The following NUP133 variants were observed in gnomAD, a reference collection of about 807,000 sequenced individuals.
NUP133 encodes the protein nuclear pore complex protein Nup133.
NUP133 carries 66 observed loss-of-function variants against 146.2 expected under a neutral mutation model. The observed-to-expected ratio is 0.45, with a 90% CI of 0.37 to 0.55. The LOEUF (loss-of-function observed/expected upper bound fraction) is 0.55. Among genes scored for constraint, NUP133 ranks in the 20% least tolerant of loss-of-function variants. The pLI is 0.00. For synonymous variants in NUP133, 521 were observed against 498.8 expected (o/e 1.04, Z -0.59); for missense variants, 1,277 against 1,374.8 (o/e 0.93, Z 1.12).
rs1558112966 is a variant in NUP133, at chr1:229,508,286, T to C, written c.-37A>G. 3.6e-6 allele frequency: 5 copies of C among 1,393,726 alleles called. No homozygotes were observed. In the East Asian group the frequency reaches 1.5e-4, roughly 41 times the overall value. 86.3% of individuals were successfully genotyped at this position (1,393,726 alleles called of 1,614,324 possible). A position where few individuals can be genotyped will look rare whatever the true frequency, so the allele number is the denominator to read the frequency against. On this transcript the variant is annotated 5_prime_UTR_variant, in exon 1 of 26. Transcript: ENST00000261396. ...GCAGCGACTAGGACAGCGAGGGATCTGGCCGTCAGGTTGCAGCCTGGCCTG... is the reference window on the plus strand; with the variant it reads ...GCAGCGACTAGGACAGCGAGGGATCCGGCCGTCAGGTTGCAGCCTGGCCTG...
chr1:229,505,564 T>TAAAAA (rs56383157), intron 2 of NUP133, among the ~76,000 whole-genome samples: 23 of 63,236 alleles, frequency 3.6e-4, no homozygotes, highest in African/African-American at 7.7e-4. Context: ...CAATTACAGT[T>TAAAAA]AAAAAAAAAA....
At chr1:229,466,298 G>A (rs1660826201) in intron 16 of NUP133, among the ~76,000 whole-genome samples, 2 of 151,892 alleles carry the variant, frequency 1.3e-5, no homozygotes, top group African/African-American at 4.8e-5. Context: ...TGGTGCCACT[G>A]CACTCCAGCT....
chr1:229,474,809 A>T (rs1363391159), intron 14 of NUP133, among the ~76,000 whole-genome samples: 1 of 152,150 alleles, frequency 6.6e-6, no homozygotes, highest in African/African-American at 2.4e-5. Context: ...TTTGAAAAAC[A>T]ATCAGGGAAG....
chr1:229,485,918 C>T (rs530656912), intron 11 of NUP133, among the ~76,000 whole-genome samples: 1 of 152,150 alleles, frequency 6.6e-6, no homozygotes, highest in African/African-American at 2.4e-5. Flanking sequence ...AATCCCAGCA[C>T]TTTGGGAGGC....
intron 15 of NUP133, among the ~76,000 whole-genome samples, chr1:229,467,467 T>C (rs1378822834): frequency 6.6e-6 from 1 of 152,176 alleles, no homozygotes; most frequent in Admixed American, 6.6e-5. Context: ...TAGGCACAGA[T>C]AAAACATGAC....
chr1:229,487,439 TC>T, intron 10 of NUP133, 26 bp downstream of exon 10: 1 of 1,601,988 alleles, frequency 6.2e-7, no homozygotes, highest in Non-Finnish European at 8.5e-7. Flanking sequence ...AGCTCACCAA[TC>T]ATGCTTTCTA....
chr1:229,440,366 T>A lies in NUP133; in HGVS notation c.*1538A>T, dbSNP rs1480298850. On this transcript the variant is annotated 3_prime_UTR_variant, in exon 26 of 26. Transcript: ENST00000261396. ...AAACAGGATTAAAAGAGGGAGCTTTTTCTTCCCTTGAACAGGATGACTCTA... is the reference window on the plus strand; with the variant it reads ...AAACAGGATTAAAAGAGGGAGCTTTATCTTCCCTTGAACAGGATGACTCTA... 6.6e-6 allele frequency: 1 copy of A among 152,174 alleles called. No homozygotes were observed. The highest frequency in any genetic ancestry group is 1.5e-5 in the Non-Finnish European group (1 of 68,046). The allele number at this position is 152,174 out of a possible 1,614,324, so 9.4% of individuals were successfully genotyped here.
chr1:229,495,372 TAG>T, intron 8 of NUP133, 121 bp downstream of exon 8: 1 of 683,400 alleles, frequency 1.5e-6, no homozygotes, highest in Non-Finnish European at 2.5e-6. Flanking sequence ...GCCCGGGTGA[TAG>T]AGTGAGACCC....
chr1:229,450,020 G>A (rs922507572), intron 23 of NUP133, among the ~76,000 whole-genome samples: 21 of 150,170 alleles, frequency 1.4e-4, no homozygotes, highest in Non-Finnish European at 2.5e-4. Context: ...TGGGATTACA[G>A]GCGTGCGCCA....
At chr1:229,494,863 G>C (rs1049379588) in intron 8 of NUP133, among the ~76,000 whole-genome samples, 2 of 152,180 alleles carry the variant, frequency 1.3e-5, no homozygotes, top group African/African-American at 4.8e-5. Context: ...CACAGCATGG[G>C]GCAGCCACAG....
At position 229,466,776 on chromosome 1, in the gene NUP133, T is replaced by C. The variant is rs770556405; in HGVS notation, c.2077-20A>G. The C allele has an allele frequency of 1.2e-6, 2 of 1,612,912 alleles. No homozygotes were observed. Among genetic ancestry groups the C allele is most frequent in the Non-Finnish European group, 1.7e-6 (2 of 1,179,416 alleles). The stretch of plus-strand genomic sequence containing the variant: ...GGATACCTGAGAGAATACACAGAAG[T>C]AAACTACTTACAACAAAAATTATGG... On this transcript the variant is annotated intron_variant, in intron 15 of 25. Transcript: ENST00000261396.
In NUP133 at chr1:229,498,233, T is replaced by A. The variant is rs1291106030; in HGVS notation, c.722A>T (p.His241Leu). Residue 241 changes from histidine to leucine, a missense_variant, in exon 6 of 26, where the codon CAT becomes CTT. This residue lies in a region of NUP133 where 319 missense variants were observed against 306.9 expected (regional missense o/e 1.04). Coordinates refer to ENST00000261396, the MANE Select transcript of NUP133 (RefSeq NM_018230.3). ...TTGCCCCTGAGGCAGGATATGCTGATGAATCTTTCCTGAGCTCTCAGGTAT... is the reference window on the plus strand; with the variant it reads ...TTGCCCCTGAGGCAGGATATGCTGAAGAATCTTTCCTGAGCTCTCAGGTAT... ...RLIPESSGKI[H>L]QHILPQGQGM... is the part of the protein sequence containing the mutation. The A allele has an allele frequency of 6.2e-7, 1 of 1,612,896 alleles. No individual in the cohort carries two copies. The highest frequency in any genetic ancestry group is 1.1e-5 in the South Asian group (1 of 90,718).
At chr1:229,477,867 G>A (rs746477546) in intron 12 of NUP133, 107 bp from the exon 13 acceptor site, 7 of 796,718 alleles carry the variant, frequency 8.8e-6, no homozygotes, top group Middle Eastern at 3.7e-4. Flanking sequence ...AAAAGAATGC[G>A]ATCCTGTCAT....
At chr1:229,450,732 TTTG>T in intron 22 of NUP133, 127 bp from the exon 23 acceptor site, 2 of 489,954 alleles carry the variant, frequency 4.1e-6, no homozygotes, top group Non-Finnish European at 3.6e-6. Context: ...TGTTTGTTTG[TTTG>T]TTTTTTTTGA....
chr1:229,465,009 T>C (rs774519260), intron 17 of NUP133, 134 bp from the exon 18 acceptor site: 24 of 1,020,636 alleles, frequency 2.4e-5, no homozygotes, highest in East Asian at 4.9e-5. Flanking sequence ...AGGTGATACC[T>C]GTCAATGCCC....
At chr1:229,492,561 G>C (rs963873874) in intron 8 of NUP133, among the ~76,000 whole-genome samples, 1 of 151,854 alleles carries the variant, frequency 6.6e-6, no homozygotes, top group Non-Finnish European at 1.5e-5. Flanking sequence ...CCTTCTTCAC[G>C]GTTCTCTTCC....
Position 229,441,816 on chromosome 1 carries a change from G to A in NUP133, c.*88C>T. On this transcript the variant is annotated 3_prime_UTR_variant, in exon 26 of 26. Coordinates refer to ENST00000261396, the MANE Select transcript of NUP133 (RefSeq NM_018230.3). ...ACTCAGCTATACATGTTATGAAATT[G>A]TACAAACTTACACTTGTTTATGGCC... The A allele has an allele frequency of 1.8e-6, 2 of 1,086,916 alleles. No individual in the cohort carries two copies. 67.3% of individuals were successfully genotyped at this position (1,086,916 alleles called of 1,614,324 possible). A position where few individuals can be genotyped will look rare whatever the true frequency, so the allele number is the denominator to read the frequency against.
At position 229,440,298 on chromosome 1, in the gene NUP133, A is replaced by T. The variant is rs980938475; in HGVS notation, c.*1606T>A. 1.3e-5 allele frequency: 2 copies of T among 152,250 alleles called. No individual in the cohort carries two copies. Among genetic ancestry groups the T allele is most frequent in the African/African-American group, 4.8e-5 (2 of 41,472 alleles). 9.4% of individuals were successfully genotyped at this position (152,250 alleles called of 1,614,324 possible). A position where few individuals can be genotyped will look rare whatever the true frequency, so the allele number is the denominator to read the frequency against. ...CATTTTTACTGTTAAAATAATTTTT[A>T]AAAACTCAACCATTTGGGTGTAATA... is the stretch of plus-strand genomic sequence containing the variant. On this transcript the variant is annotated 3_prime_UTR_variant, in exon 26 of 26. Transcript: ENST00000261396.
intron 19 of NUP133, among the ~76,000 whole-genome samples, chr1:229,462,587 G>A (rs1033042325): frequency 3.3e-5 from 5 of 151,232 alleles, no homozygotes; most frequent in Non-Finnish European, 5.9e-5. Flanking sequence ...TTAAAGATAG[G>A]TCTTCCTCTG....
Sources: allele counts gnomAD v4.1 joint callset (sites outside exome capture counted in the v4.1 genomes callset), GRCh38; gene constraint gnomAD v4.1.1; regional missense constraint gnomAD v4.1.1; transcripts MANE v1.5; gene names NCBI Gene and HGNC (gene_info 2026-07-23, HGNC 2026-07-21).